Variants in TRPC4 observed in about 807,000 individuals in gnomAD.
The protein encoded by TRPC4 is transient receptor potential cation channel subfamily C member 4, also known as short transient receptor potential channel 4.
TRPC4 carries 49 observed loss-of-function variants against 99.4 expected under a neutral mutation model. That is an observed-to-expected ratio of 0.49 (90% CI 0.39 to 0.63). The LOEUF is 0.63. Among genes scored for constraint, TRPC4 ranks in the 20% least tolerant of loss-of-function variants. TRPC4 has a pLI of 0.00. For synonymous variants in TRPC4, 454 were observed against 425.9 expected (o/e 1.07, Z -0.81); for missense variants, 898 against 1,152.9 (o/e 0.78, Z 3.20).
intron 1 of TRPC4, among the ~76,000 whole-genome samples, chr13:37,813,694 T>C (rs1478197790): frequency 6.6e-6 from 1 of 151,866 alleles, no homozygotes; most frequent in East Asian, 1.9e-4. Flanking sequence ...AAATTCTTCA[T>C]AGACTTGTAA....
At chr13:37,727,131 C>T (rs1955091656) in intron 3 of TRPC4, among the ~76,000 whole-genome samples, 1 of 152,052 alleles carries the variant, frequency 6.6e-6, no homozygotes, top group African/African-American at 2.4e-5. Flanking sequence ...ACAGAATACA[C>T]ATTTTTCTCC....
intron 2 of TRPC4, among the ~76,000 whole-genome samples, chr13:37,760,862 CTT>C (rs1258421027): frequency 6.6e-6 from 1 of 151,936 alleles, no homozygotes; most frequent in African/African-American, 2.4e-5. Context: ...ATAATGATAA[CTT>C]AATATCAATA....
At chr13:37,861,628 A>G (rs369343456) in intron 1 of TRPC4, among the ~76,000 whole-genome samples, 7 of 151,738 alleles carry the variant, frequency 4.6e-5, no homozygotes, top group African/African-American at 1.4e-4. Context: ...AAAGGGCAAA[A>G]TCATTTGCTG....
intron 4 of TRPC4, among the ~76,000 whole-genome samples, chr13:37,677,854 C>T (rs1953112456): frequency 6.6e-6 from 1 of 152,034 alleles, no homozygotes; most frequent in Admixed American, 6.6e-5. Context: ...GGAACATTCA[C>T]CAAGATAGGC....
At chr13:37,731,488 C>G (rs989205577) in intron 3 of TRPC4, among the ~76,000 whole-genome samples, 9 of 151,750 alleles carry the variant, frequency 5.9e-5, no homozygotes, top group Non-Finnish European at 8.8e-5. Flanking sequence ...ATAAGTAAAA[C>G]CAAAATGATA....
intron 4 of TRPC4, among the ~76,000 whole-genome samples, chr13:37,682,360 T>C (rs1449982407): frequency 6.6e-6 from 1 of 152,212 alleles, no homozygotes; most frequent in Admixed American, 6.5e-5. Flanking sequence ...TTTTTGATTT[T>C]CAAATCAGGG....
chr13:37,684,206 A>T (rs1953371628), intron 4 of TRPC4, among the ~76,000 whole-genome samples: 1 of 152,322 alleles, frequency 6.6e-6, no homozygotes, highest in Admixed American at 6.5e-5. Flanking sequence ...TAGTCAGCAG[A>T]CCATACTTCA....
At position 37,637,581 on chromosome 13, in the gene TRPC4, T is replaced by A. The variant is rs754182455; in HGVS notation, c.2256A>T (p.Gly752=). The change falls in exon 11 of 11, where the codon GGA becomes GGT. Residue 752 remains glycine, a synonymous_variant. Coordinates refer to ENST00000379705, the MANE Select transcript of TRPC4 (RefSeq NM_016179.4). Reference sequence around the variant, plus strand: ...TGGAAAGTTTGCTTCCTCTTAGTAATCCCAGGACTTCAAAGCGGAAACTAG... The same window carrying A: ...TGGAAAGTTTGCTTCCTCTTAGTAAACCCAGGACTTCAAAGCGGAAACTAG... ...DISSFRFEVL[G]LLRGSKLSTI... is the part of the protein sequence containing the mutation. 2 of 1,603,114 alleles carry A rather than the reference T, an allele frequency of 1.2e-6. No individual in the cohort carries two copies. The highest frequency in any genetic ancestry group is 1.7e-6 in the Non-Finnish European group (2 of 1,176,662).
intron 8 of TRPC4, among the ~76,000 whole-genome samples, chr13:37,643,904 TATG>T (rs1445321622): frequency 1.3e-5 from 2 of 152,288 alleles, no homozygotes; most frequent in East Asian, 3.9e-4. Flanking sequence ...TGCAATCTCA[TATG>T]GTGTTTTTCT....
At chr13:37,800,658 A>T (rs1957377047) in intron 1 of TRPC4, among the ~76,000 whole-genome samples, 1 of 152,234 alleles carries the variant, frequency 6.6e-6, no homozygotes, top group African/African-American at 2.4e-5. Flanking sequence ...ATGAGCTACT[A>T]AAGATAAAAT....
intron 6 of TRPC4, among the ~76,000 whole-genome samples, chr13:37,658,470 A>G (rs1171803606): frequency 6.6e-6 from 1 of 152,188 alleles, no homozygotes; most frequent in East Asian, 1.9e-4. Flanking sequence ...CCATGGGACT[A>G]AAACAATGAG....
chr13:37,782,355 C>A (rs1202319025), intron 2 of TRPC4, among the ~76,000 whole-genome samples: 5 of 151,998 alleles, frequency 3.3e-5, no homozygotes, highest in African/African-American at 1.2e-4. Flanking sequence ...ACATTTGCAC[C>A]ATCAGTAAAG....
At chr13:37,849,543 G>C (rs1212162363) in intron 1 of TRPC4, among the ~76,000 whole-genome samples, 1 of 152,164 alleles carries the variant, frequency 6.6e-6, no homozygotes, top group Non-Finnish European at 1.5e-5. Flanking sequence ...ACATGACCAA[G>C]CAGCCACTGA....
chr13:37,664,837 T>C (rs1164918909), intron 5 of TRPC4, among the ~76,000 whole-genome samples: 2 of 152,184 alleles, frequency 1.3e-5, no homozygotes, highest in Non-Finnish European at 2.9e-5. Flanking sequence ...TTAATTCTCC[T>C]TGAAACTAAT....
chr13:37,796,784 G>T (rs1376400956), intron 1 of TRPC4, among the ~76,000 whole-genome samples: 1 of 151,372 alleles, frequency 6.6e-6, no homozygotes, highest in East Asian at 1.9e-4. Flanking sequence ...ATAATTGTCT[G>T]CTCACTTGTG....
intron 3 of TRPC4, among the ~76,000 whole-genome samples, chr13:37,735,458 A>G (rs1955367408): frequency 6.6e-6 from 1 of 152,206 alleles, no homozygotes; most frequent in Non-Finnish European, 1.5e-5. Flanking sequence ...CAGTCACTAA[A>G]TAATGGCCTA....
chr13:37,827,729 G>T (rs945621230), intron 1 of TRPC4, among the ~76,000 whole-genome samples: 1 of 152,110 alleles, frequency 6.6e-6, no homozygotes, highest in African/African-American at 2.4e-5. Flanking sequence ...CTTTTTGTTT[G>T]TCTGTGCCCT....
chr13:37,663,845 T>C (rs1952540811), intron 5 of TRPC4, 116 bp from the exon 6 acceptor site: 1 of 1,000,474 alleles, frequency 1.0e-6, no homozygotes. Context: ...GATGACTTTG[T>C]TTTCGATTTT....
Position 37,699,993 on chromosome 13 carries a change from A to C in TRPC4, c.898-7658T>G, listed in dbSNP as rs542779254. On this transcript the variant is annotated intron_variant, in intron 3 of 10. Transcript: ENST00000379705. ...AACCCAACGTTGAACTTAGCAAACA[A>C]AACAGCAAGCAAACAAAACCCAATT... Among the ~76,000 whole-genome samples, 218 of 152,276 alleles carry C rather than the reference A, an allele frequency of 1.4e-3. 1 individual carries two copies. The highest frequency in any genetic ancestry group is 6.8e-3 in the Middle Eastern group (2 of 294).
Sources: allele counts gnomAD v4.1 joint callset (sites outside exome capture counted in the v4.1 genomes callset), GRCh38; gene constraint gnomAD v4.1.1; transcripts MANE v1.5; gene names NCBI Gene and HGNC (gene_info 2026-07-23, HGNC 2026-07-21).